SYNE2: variants seen among roughly 807,000 people sequenced by gnomAD.
The protein encoded by SYNE2 is spectrin repeat containing nuclear envelope protein 2, also known as nesprin-2.
In SYNE2, 431 loss-of-function variants were observed where a neutral mutation model predicts 856.3. The observed-to-expected ratio is 0.50, with a 90% CI of 0.47 to 0.55. The LOEUF (loss-of-function observed/expected upper bound fraction) is 0.55, where lower values mean the gene tolerates loss of function less well. SYNE2 is among the 20% of genes least tolerant of loss of function. The pLI is 0.00. For synonymous variants in SYNE2, 2,923 were observed against 2,872.3 expected, an observed-to-expected ratio of 1.02 and a Z score of -0.56; for missense variants, 8,129 against 8,023.2, an observed-to-expected ratio of 1.01 and a Z score of -0.50.
At position 64,090,991 on chromosome 14, in the gene SYNE2, T is replaced by G. The variant is rs765088338; in HGVS notation, c.11919T>G (p.Leu3973=). ...PLPVFQRTNQ[L]LQDIKLLENV... Reference sequence around the variant, plus strand: ...CTGTGTTTCAGCGGACAAATCAGCTTTTACAAGATATAAAACTATTGGAAA... The same window carrying G: ...CTGTGTTTCAGCGGACAAATCAGCTGTTACAAGATATAAAACTATTGGAAA... The change falls in exon 60 of 116, where the codon CTT becomes CTG. Residue 3973 remains leucine (L), a synonymous_variant. Transcript: ENST00000555002. The G allele has an allele frequency of 6.2e-7, 1 of 1,614,134 alleles. No individual in the cohort carries two copies. The highest frequency in any genetic ancestry group is 1.1e-5 in the South Asian group (1 of 91,072).
At chr14:64,211,716 C>T (rs373066057) in intron 103 of SYNE2, among the ~76,000 whole-genome samples, 3 of 152,294 alleles carry the variant, frequency 2.0e-5, no homozygotes, top group African/African-American at 7.2e-5. Context: ...ACTCTCTCCC[C>T]GACTTGCCAG....
At chr14:64,005,305 C>T (rs1339939837) in intron 30 of SYNE2, among the ~76,000 whole-genome samples, 3 of 152,148 alleles carry the variant, frequency 2.0e-5, no homozygotes. Context: ...TCTGGTTTGA[C>T]CTATTGTAGT....
At chr14:63,793,087 C>T (rs958521080) in intron 1 of SYNE2, among the ~76,000 whole-genome samples, 8 of 152,130 alleles carry the variant, frequency 5.3e-5, no homozygotes, top group Admixed American at 3.9e-4. Context: ...GGAGAAGAGG[C>T]ACATTATGTC....
intron 109 of SYNE2, 40 bp from the exon 110 acceptor site, chr14:64,219,168 G>A (rs1269373114): frequency 1.4e-6 from 2 of 1,390,848 alleles, no homozygotes; most frequent in Non-Finnish European, 2.0e-6. Context: ...GAAATCTGTT[G>A]CATTATTGCT....
intron 3 of SYNE2, among the ~76,000 whole-genome samples, chr14:63,941,186 G>A (rs377442689): frequency 3.3e-5 from 5 of 152,284 alleles, no homozygotes; most frequent in African/African-American, 1.2e-4. Context: ...AGACAGTCTG[G>A]ACTCAGTGGC....
chr14:63,927,770 C>T (rs1436431828), intron 2 of SYNE2, among the ~76,000 whole-genome samples: 2 of 151,824 alleles, frequency 1.3e-5, no homozygotes, highest in African/African-American at 4.8e-5. Context: ...CGCGCGCCTG[C>T]AGTCCCAGCT....
chr14:63,856,792 G>A lies in SYNE2; in HGVS notation c.-52+3649G>A, dbSNP rs560839286. Among the ~76,000 whole-genome samples, 37 of 151,904 alleles carry A rather than the reference G, an allele frequency of 2.4e-4. No individual in the cohort carries two copies. In the South Asian group the frequency reaches 7.5e-3, roughly 31 times the overall value. Reference sequence around the variant, plus strand: ...AAATTCACTTATTTTATTTTTTTGAGACAAGGTCTCGTTCTATCACCCAGG... The same window carrying A: ...AAATTCACTTATTTTATTTTTTTGAAACAAGGTCTCGTTCTATCACCCAGG... On this transcript the variant is annotated intron_variant, in intron 1 of 115. Coordinates refer to ENST00000555002, the MANE Select transcript of SYNE2 (RefSeq NM_182914.3).
intron 6 of SYNE2, among the ~76,000 whole-genome samples, chr14:63,943,269 A>G (rs1432693298): frequency 4.6e-5 from 7 of 152,204 alleles, no homozygotes; most frequent in Admixed American, 4.6e-4. Context: ...GAGGACATCA[A>G]GATTTAGTGA....
intron 2 of SYNE2, among the ~76,000 whole-genome samples, chr14:63,933,565 AT>A (rs2095792915): frequency 1.3e-5 from 2 of 152,134 alleles, no homozygotes; most frequent in Non-Finnish European, 2.9e-5. Flanking sequence ...TCAGGCAAAT[AT>A]TTTTCAAGGA....
intron 11 of SYNE2, among the ~76,000 whole-genome samples, chr14:63,974,892 G>GTGTATATATATATATATATATATATATA (rs1375697679): frequency 5.9e-5 from 4 of 67,320 alleles, no homozygotes; most frequent in African/African-American, 1.8e-4. Context: ...GTGTGTGTGT[G>GTGTATATATATATATATATATATATATA]TATATATATA....
chr14:64,183,808 C>T (rs532522047), intron 96 of SYNE2, among the ~76,000 whole-genome samples: 83 of 152,090 alleles, frequency 5.5e-4, no homozygotes, highest in African/African-American at 1.8e-3. Flanking sequence ...CCCAGGCACT[C>T]GGCAGGCTGA....
intron 99 of SYNE2, among the ~76,000 whole-genome samples, chr14:64,197,337 G>A (rs1458622698): frequency 6.6e-6 from 1 of 152,188 alleles, no homozygotes; most frequent in Admixed American, 6.5e-5. Flanking sequence ...ATTATGCCGT[G>A]TGGAAAATGG....
intron 2 of SYNE2, among the ~76,000 whole-genome samples, chr14:63,921,592 G>C (rs1456335248): frequency 6.6e-6 from 1 of 152,168 alleles, no homozygotes; most frequent in Non-Finnish European, 1.5e-5. Context: ...AGTGTCAGAA[G>C]TTTTAAGATA....
At chr14:64,135,697 C>G (rs2098082015) in intron 78 of SYNE2, among the ~76,000 whole-genome samples, 1 of 152,090 alleles carries the variant, frequency 6.6e-6, no homozygotes, top group African/African-American at 2.4e-5. Flanking sequence ...ATGTGTGATT[C>G]TATTACATTT....
At chr14:63,821,489 C>T (rs1328526328) in intron 1 of SYNE2, among the ~76,000 whole-genome samples, 4 of 152,096 alleles carry the variant, frequency 2.6e-5, no homozygotes, top group African/African-American at 7.2e-5. Flanking sequence ...CACAGTGGCT[C>T]ATGCCTGTAA....
At chr14:64,046,657 A>G (rs1033678086) in intron 45 of SYNE2, among the ~76,000 whole-genome samples, 20 of 152,274 alleles carry the variant, frequency 1.3e-4, no homozygotes, top group East Asian at 3.9e-4. Context: ...TGCCTGGCCA[A>G]TTTATCCTTA....
chr14:63,981,514 C>T (rs922972352), intron 16 of SYNE2, among the ~76,000 whole-genome samples: 22 of 152,088 alleles, frequency 1.4e-4, no homozygotes, highest in Non-Finnish European at 2.5e-4. Flanking sequence ...TACTGGCTAG[C>T]TTATAGACAC....
At chr14:64,223,068 T>C in intron 112 of SYNE2, 121 bp from the exon 113 acceptor site, 1 of 957,134 alleles carries the variant, frequency 1.0e-6, no homozygotes, top group Non-Finnish European at 1.7e-6. Flanking sequence ...TAGAGGATTC[T>C]CGAGTTGAGT....
In SYNE2 at chr14:64,153,180, A is replaced by G. The variant is rs182232535; in HGVS notation, c.15792+464A>G. 1.9e-3 allele frequency among the ~76,000 whole-genome samples: 286 copies of G among 152,266 alleles called. 1 individual carries two copies. Among genetic ancestry groups the G allele is most frequent in the Non-Finnish European group, 3.1e-3 (214 of 68,022 alleles). ...CTCTAAAGTTTGGAAGAAACACTAC[A>G]TGGTGTTGAAGAGAGAGTATAAAGG... On this transcript the variant is annotated intron_variant, in intron 85 of 115. Coordinates refer to ENST00000555002, the MANE Select transcript of SYNE2 (RefSeq NM_182914.3).
Sources: gnomAD v4.1 joint callset for allele counts (sites outside exome capture counted in the v4.1 genomes callset) on GRCh38, gnomAD v4.1.1 for gene constraint, MANE v1.5 for transcripts, NCBI Gene and HGNC (gene_info 2026-07-23, HGNC 2026-07-21) for gene names.